ASTN2: variants seen among roughly 807,000 people sequenced by gnomAD.
ASTN2 encodes astrotactin-2.
In ASTN2, 54 loss-of-function variants were observed where a neutral mutation model predicts 139.8. The observed-to-expected ratio is 0.39, with a 90% CI of 0.31 to 0.48. The LOEUF is 0.48. Ranked by LOEUF, ASTN2 falls within the 20% of genes least tolerant of loss-of-function variation. The pLI, the probability that ASTN2 is intolerant of heterozygous loss-of-function variation, is 0.95. For synonymous variants in ASTN2, 756 were observed against 719.5 expected, an observed-to-expected ratio of 1.05 and a Z score of -0.81; for missense variants, 1,565 against 1,725.1, an observed-to-expected ratio of 0.91 and a Z score of 1.64.
chr9:116,531,540 G>A (rs571792130), intron 19 of ASTN2, among the ~76,000 whole-genome samples: 89 of 99,908 alleles, frequency 8.9e-4, no homozygotes, highest in Non-Finnish European at 1.3e-3. Context: ...GACAGGCCCC[G>A]GTGTTTGATA....
chr9:116,838,680 C>T (rs1349017246), intron 11 of ASTN2, among the ~76,000 whole-genome samples: 1 of 151,830 alleles, frequency 6.6e-6, no homozygotes, highest in African/African-American at 2.4e-5. Context: ...CCGCCTCAGC[C>T]TCCCAAAGTG....
At chr9:117,272,385 A>G (rs190951326) in intron 2 of ASTN2, among the ~76,000 whole-genome samples, 22 of 152,314 alleles carry the variant, frequency 1.4e-4, no homozygotes, top group African/African-American at 3.8e-4. Flanking sequence ...GGCCTGTGAT[A>G]GGAGGGGCTG....
At position 117,034,993 on chromosome 9, in the gene ASTN2, G is replaced by A. The variant is rs192818685; in HGVS notation, c.1423+4826C>T. 1.8e-4 allele frequency among the ~76,000 whole-genome samples: 27 copies of A among 152,190 alleles called. No homozygotes were observed. The East Asian group carries it at 4.8e-3, about 27-fold the overall frequency. On this transcript the variant is annotated intron_variant, in intron 6 of 22. Transcript: ENST00000313400. Reference sequence around the variant, plus strand: ...GAGTATAACTATGCAGTAACACAAGGGCAGAATTCATTTTCTCCTGGAAGA... The same window carrying A: ...GAGTATAACTATGCAGTAACACAAGAGCAGAATTCATTTTCTCCTGGAAGA...
At chr9:117,095,271 T>A (rs561116814) in intron 5 of ASTN2, among the ~76,000 whole-genome samples, 5 of 152,324 alleles carry the variant, frequency 3.3e-5, no homozygotes, top group Admixed American at 3.3e-4. Flanking sequence ...CAATCCAAGA[T>A]GAAGAATCAC....
At chr9:116,752,307 A>T (rs1417039961) in intron 13 of ASTN2, among the ~76,000 whole-genome samples, 2 of 152,218 alleles carry the variant, frequency 1.3e-5, no homozygotes, top group Non-Finnish European at 2.9e-5. Context: ...CCAAGTAAAA[A>T]GAAGGGATGA....
intron 5 of ASTN2, among the ~76,000 whole-genome samples, chr9:117,094,604 G>A (rs1381220303): frequency 6.6e-6 from 1 of 152,066 alleles, no homozygotes; most frequent in Non-Finnish European, 1.5e-5. Flanking sequence ...TGAGGAGCAG[G>A]AAGGAGGGAG....
At chr9:116,872,962 C>T in intron 10 of ASTN2, among the ~76,000 whole-genome samples, 1 of 152,094 alleles carries the variant, frequency 6.6e-6, no homozygotes, top group East Asian at 1.9e-4. Flanking sequence ...GGACTTTACC[C>T]TGGAAGCTAT....
At chr9:117,337,294 G>A (rs1185158464) in intron 1 of ASTN2, among the ~76,000 whole-genome samples, 1 of 152,124 alleles carries the variant, frequency 6.6e-6, no homozygotes, top group Admixed American at 6.6e-5. Flanking sequence ...TATTGGATTG[G>A]TCACAGGGCA....
intron 19 of ASTN2, among the ~76,000 whole-genome samples, chr9:116,544,643 T>C (rs1852016101): frequency 6.6e-6 from 1 of 152,158 alleles, no homozygotes; most frequent in Admixed American, 6.5e-5. Flanking sequence ...TTTGGGGGCA[T>C]CAGAAGTTTA....
intron 2 of ASTN2, among the ~76,000 whole-genome samples, chr9:117,281,914 C>T (rs1433742631): frequency 5.3e-5 from 8 of 152,156 alleles, no homozygotes; most frequent in Non-Finnish European, 1.0e-4. Context: ...CGGATCACCC[C>T]GATTGCCCGC....
At chr9:117,213,509 T>C (rs1370655219) in intron 3 of ASTN2, among the ~76,000 whole-genome samples, 1 of 152,206 alleles carries the variant, frequency 6.6e-6, no homozygotes, top group African/African-American at 2.4e-5. Flanking sequence ...ATTACCCTGA[T>C]CTGATCACCA....
At chr9:117,244,887 C>T (rs1022343141) in intron 2 of ASTN2, among the ~76,000 whole-genome samples, 3 of 151,986 alleles carry the variant, frequency 2.0e-5, no homozygotes, top group South Asian at 2.1e-4. Flanking sequence ...CTATCATCAA[C>T]GTGAGAGAAA....
chr9:116,699,707 G>A lies in ASTN2; in HGVS notation c.2806+26064C>T. 1 of 1,614,190 alleles carries A rather than the reference G, an allele frequency of 6.2e-7. No individual in the cohort carries two copies. The highest frequency in any genetic ancestry group is 2.2e-5 in the East Asian group (1 of 44,880). ...TGAGAAGATATTCCACCCCATAGGG[G>A]ATGAGAAATTATCAGTTTCTTCTGC... On this transcript the variant is annotated intron_variant, in intron 16 of 22. Coordinates refer to ENST00000313400, the MANE Select transcript of ASTN2 (RefSeq NM_001365068.1). This position sits in a 1 kb window ranked among gnomAD's most constrained non-coding sequence, Gnocchi z 4.2.
chr9:116,466,379 T>C (rs1048603034), intron 20 of ASTN2, among the ~76,000 whole-genome samples: 1 of 152,196 alleles, frequency 6.6e-6, no homozygotes, highest in African/African-American at 2.4e-5. Flanking sequence ...TCTGCAACAA[T>C]GAGTCTTGAC....
At chr9:116,601,072 A>C (rs1019621159) in intron 19 of ASTN2, among the ~76,000 whole-genome samples, 3 of 152,252 alleles carry the variant, frequency 2.0e-5, no homozygotes, top group African/African-American at 7.2e-5. Context: ...AATTGTAATA[A>C]GTGCTACCAA....
At chr9:116,938,184 A>G (rs1339942176) in intron 10 of ASTN2, among the ~76,000 whole-genome samples, 1 of 152,204 alleles carries the variant, frequency 6.6e-6, no homozygotes, top group Non-Finnish European at 1.5e-5. Flanking sequence ...ATACACTAGA[A>G]TACCACTTTG....
At chr9:116,654,280 T>C (rs1314212653) in intron 16 of ASTN2, among the ~76,000 whole-genome samples, 3 of 152,196 alleles carry the variant, frequency 2.0e-5, no homozygotes, top group South Asian at 2.1e-4. Flanking sequence ...AAGGACAGAA[T>C]TGAGTAGTTA....
intron 6 of ASTN2, among the ~76,000 whole-genome samples, chr9:117,030,813 C>T (rs545515455): frequency 9.3e-4 from 141 of 151,484 alleles, no homozygotes; most frequent in African/African-American, 3.0e-3. Context: ...CAGCCATTGC[C>T]GAGCAAGTTG....
At chr9:117,244,139 C>T (rs1454804866) in intron 2 of ASTN2, among the ~76,000 whole-genome samples, 1 of 152,172 alleles carries the variant, frequency 6.6e-6, no homozygotes, top group Non-Finnish European at 1.5e-5. Flanking sequence ...AGACGTGCCT[C>T]TTCCACTTTG....
Sources: gnomAD v4.1 joint callset for allele counts (sites outside exome capture counted in the v4.1 genomes callset) on GRCh38, gnomAD v4.1.1 for gene constraint, Gnocchi (gnomAD v3.1) non-coding constraint, MANE v1.5 for transcripts, NCBI Gene and HGNC (gene_info 2026-07-23, HGNC 2026-07-21) for gene names.